RUFY2: variants seen among roughly 807,000 people sequenced by gnomAD.
RUFY2 encodes the protein RUN and FYVE domain containing 2, also known as RUN and FYVE domain-containing protein 2.
RUFY2 carries 49 observed loss-of-function variants against 94.4 expected under a neutral mutation model. The observed-to-expected ratio is 0.52, with a 90% confidence interval of 0.41 to 0.66. RUFY2 has a LOEUF of 0.66. RUFY2 is among the 30% of genes least tolerant of loss of function. RUFY2 has a pLI of 0.00. For synonymous variants in RUFY2, 255 were observed against 235.7 expected, an observed-to-expected ratio of 1.08 and a Z score of -0.75; for missense variants, 541 against 692.8, an observed-to-expected ratio of 0.78 and a Z score of 2.46.
intron 3 of RUFY2, among the ~76,000 whole-genome samples, 167 bp downstream of exon 3, chr10:68,401,453 T>C (rs887305449): frequency 3.3e-5 from 5 of 152,048 alleles, no homozygotes; most frequent in African/African-American, 1.2e-4. Flanking sequence ...ATAAAGGAAA[T>C]GGGATTTGAG....
intron 15 of RUFY2, among the ~76,000 whole-genome samples, chr10:68,361,232 T>C (rs986759626): frequency 6.6e-6 from 1 of 151,934 alleles, no homozygotes. Flanking sequence ...TGAGCTGAGA[T>C]AGCACCACTG....
At chr10:68,359,209 C>G (rs374168236) in intron 15 of RUFY2, among the ~76,000 whole-genome samples, 1 of 151,640 alleles carries the variant, frequency 6.6e-6, no homozygotes, top group African/African-American at 2.4e-5. Context: ...TGAAATCCCA[C>G]CTCTACTAAA....
At chr10:68,392,012 A>G (rs1213988370) in intron 7 of RUFY2, among the ~76,000 whole-genome samples, 1 of 150,998 alleles carries the variant, frequency 6.6e-6, no homozygotes, top group Non-Finnish European at 1.5e-5. Context: ...TATGCATCTC[A>G]TATATTTCTT....
intron 15 of RUFY2, among the ~76,000 whole-genome samples, chr10:68,359,565 A>T (rs2047313356): frequency 7.0e-6 from 1 of 143,866 alleles, no homozygotes; most frequent in Non-Finnish European, 1.5e-5. Flanking sequence ...AAATATATAT[A>T]GTAGTACTAC....
At chr10:68,407,085 CG>C (rs1046853206) in intron 1 of RUFY2, 100 bp downstream of exon 1, 2 of 1,496,884 alleles carry the variant, frequency 1.3e-6, no homozygotes, top group African/African-American at 2.9e-5. Flanking sequence ...TTCCGACTGG[CG>C]GCCTCGGCGT....
At chr10:68,400,337 A>G (rs2050718449) in intron 3 of RUFY2, among the ~76,000 whole-genome samples, 2 of 151,926 alleles carry the variant, frequency 1.3e-5, no homozygotes, top group South Asian at 2.1e-4. Context: ...TAAAATAAAC[A>G]AAGACAAACA....
chr10:68,401,155 C>T (rs1447750243), intron 3 of RUFY2, among the ~76,000 whole-genome samples: 1 of 152,182 alleles, frequency 6.6e-6, no homozygotes, highest in Non-Finnish European at 1.5e-5. Flanking sequence ...AGGCTGGTGA[C>T]ATTATAGGTA....
At chr10:68,366,350 A>G in intron 13 of RUFY2, among the ~76,000 whole-genome samples, 1 of 147,074 alleles carries the variant, frequency 6.8e-6, no homozygotes. Context: ...AAAAAAAAAA[A>G]GAGAGAGAAA....
chr10:68,405,973 C>T (rs1162813509), intron 1 of RUFY2, among the ~76,000 whole-genome samples: 1 of 152,158 alleles, frequency 6.6e-6, no homozygotes, highest in Admixed American at 6.6e-5. Flanking sequence ...TCCTCCTTCC[C>T]GCAAATTTTA....
At chr10:68,364,605 T>C (rs980463066) in intron 13 of RUFY2, among the ~76,000 whole-genome samples, 13 of 152,178 alleles carry the variant, frequency 8.5e-5, no homozygotes, top group Non-Finnish European at 1.8e-4. Context: ...GAGTGCTAAT[T>C]TGCAAACTAC....
intron 7 of RUFY2, among the ~76,000 whole-genome samples, chr10:68,390,516 C>G (rs1589951373): frequency 6.6e-6 from 1 of 152,010 alleles, no homozygotes. Flanking sequence ...CATGTGGCTA[C>G]TAAACACTTA....
intron 13 of RUFY2, among the ~76,000 whole-genome samples, chr10:68,376,604 T>C (rs1334562425): frequency 2.7e-5 from 4 of 149,646 alleles, no homozygotes; most frequent in Non-Finnish European, 4.4e-5. Flanking sequence ...AACAGAAGAA[T>C]GAATAAAACT....
Position 68,407,224 on chromosome 10 carries a change from C to T in RUFY2, c.-35G>A. 7.2e-7 allele frequency: 1 copy of T among 1,381,450 alleles called. No homozygotes were observed. The highest frequency in any genetic ancestry group is 3.1e-5 in the East Asian group (1 of 32,708). 85.6% of individuals were successfully genotyped at this position (1,381,450 alleles called of 1,614,324 possible). A position where few individuals can be genotyped will look rare whatever the true frequency, so the allele number is the denominator to read the frequency against. On this transcript the variant is annotated 5_prime_UTR_variant, in exon 1 of 18. Transcript: ENST00000602465. Reference sequence around the variant, plus strand: ...GGCTGCGCGGTCTCGGGCGGAGGCTCCCTCGGCCTGTCCAGCAGCTCCTTC... The same window carrying T: ...GGCTGCGCGGTCTCGGGCGGAGGCTTCCTCGGCCTGTCCAGCAGCTCCTTC...
At chr10:68,397,109 T>G (rs1403246254) in intron 3 of RUFY2, among the ~76,000 whole-genome samples, 4 of 152,214 alleles carry the variant, frequency 2.6e-5, no homozygotes, top group African/African-American at 9.6e-5. Context: ...GAAATGACTC[T>G]CTAAACACAG....
chr10:68,341,829 T>C, downstream of RUFY2: 1 of 1,611,348 alleles, frequency 6.2e-7, no homozygotes, highest in Non-Finnish European at 8.5e-7. Flanking sequence ...GATATGGTAC[T>C]CCTGATGGTT....
chr10:68,361,042 G>C (rs142295986), intron 15 of RUFY2, among the ~76,000 whole-genome samples: 87 of 152,216 alleles, frequency 5.7e-4, no homozygotes, highest in Non-Finnish European at 8.8e-4. Flanking sequence ...CAGCACTTTG[G>C]AGGCCAAGGC....
intron 3 of RUFY2, among the ~76,000 whole-genome samples, chr10:68,400,659 C>A (rs561021360): frequency 7.0e-6 from 1 of 142,620 alleles, no homozygotes; most frequent in Non-Finnish European, 1.5e-5. Flanking sequence ...CTGGGCAACA[C>A]AGCAAGACTC....
chr10:68,366,786 T>A (rs1182091666), intron 13 of RUFY2, among the ~76,000 whole-genome samples: 1 of 67,020 alleles, frequency 1.5e-5, no homozygotes, highest in Non-Finnish European at 2.7e-5. Context: ...AATAAATAAT[T>A]AATAATATAT....
chr10:68,393,964 AG>A (rs1342600600), intron 6 of RUFY2, 110 bp downstream of exon 6: 4 of 1,418,232 alleles, frequency 2.8e-6, no homozygotes, highest in Middle Eastern at 1.8e-4. Context: ...AAGAAGTCAC[AG>A]GGGGGAAAAC....
Sources: gnomAD v4.1 joint callset for allele counts (sites outside exome capture counted in the v4.1 genomes callset) on GRCh38, gnomAD v4.1.1 for gene constraint, MANE v1.5 for transcripts, NCBI Gene and HGNC (gene_info 2026-07-23, HGNC 2026-07-21) for gene names.